Variants in PDE12 observed in about 807,000 individuals in gnomAD.
PDE12 encodes the protein phosphodiesterase 12.
PDE12 carries 26 observed loss-of-function variants against 45.4 expected under a neutral mutation model. That is an observed-to-expected ratio of 0.57 (90% CI 0.42 to 0.79). The LOEUF (loss-of-function observed/expected upper bound fraction) is 0.79, where lower values mean the gene tolerates loss of function less well. Among genes scored for constraint, PDE12 ranks in the 30% least tolerant of loss-of-function variants. PDE12 has a pLI of 0.00. For synonymous variants in PDE12, 283 were observed against 323.9 expected, an observed-to-expected ratio of 0.87 and a Z score of 1.36; for missense variants, 668 against 790.0, an observed-to-expected ratio of 0.85 and a Z score of 1.85.
At chr3:57,569,499 T>G (rs986149029), downstream of PDE12, among the ~76,000 whole-genome samples, 4 of 151,918 alleles carry the variant, frequency 2.6e-5, no homozygotes, top group African/African-American at 7.3e-5. Flanking sequence ...ATTACAGGCA[T>G]GCACCACCAT....
the PDE12 span, among the ~76,000 whole-genome samples, chr3:57,589,400 C>A: frequency 6.6e-6 from 1 of 151,980 alleles, no homozygotes; most frequent in African/African-American, 2.4e-5. Flanking sequence ...TGCAATTCAG[C>A]GTAAGCAACA....
At chr3:57,620,553 T>C in the PDE12 span, among the ~76,000 whole-genome samples, 1 of 152,100 alleles carries the variant, frequency 6.6e-6, no homozygotes, top group African/African-American at 2.4e-5. Context: ...TATTCACAGA[T>C]GGCATAGTCT....
the PDE12 span, among the ~76,000 whole-genome samples, chr3:57,650,443 CACAT>C: frequency 1.3e-5 from 2 of 150,460 alleles, no homozygotes; most frequent in Non-Finnish European, 2.9e-5. Flanking sequence ...CACACACACA[CACAT>C]ACATACACAC....
chr3:57,571,511 A>T (rs2069843083), downstream of PDE12: 1 of 152,668 alleles, frequency 6.6e-6, no homozygotes, highest in Non-Finnish European at 1.5e-5. Context: ...TATACTGAGC[A>T]AAAAATCAGG....
intron 1 of PDE12, among the ~76,000 whole-genome samples, chr3:57,557,905 A>G (rs2069684565): frequency 6.6e-6 from 1 of 152,324 alleles, no homozygotes; most frequent in Non-Finnish European, 1.5e-5. Flanking sequence ...GTTGCCTTGA[A>G]CAAGACTAGC....
At chr3:57,646,318 A>C in the PDE12 span, 1 of 1,608,438 alleles carries the variant, frequency 6.2e-7, no homozygotes, top group Non-Finnish European at 8.5e-7. Flanking sequence ...AGACTCACTT[A>C]ACAAGTGCCA....
At chr3:57,648,666 G>A in the PDE12 span, among the ~76,000 whole-genome samples, 3 of 152,102 alleles carry the variant, frequency 2.0e-5, no homozygotes, top group East Asian at 5.8e-4. Flanking sequence ...TATAAAAATA[G>A]GCATATAGAC....
chr3:57,560,165 T>G lies in PDE12; in HGVS notation c.*161T>G. On this transcript the variant is annotated 3_prime_UTR_variant, in exon 3 of 3. Transcript: ENST00000311180. ...TCTTCGTTATGAAACTGTTGATGTT[T>G]GCATCATACATCTTCTCTTTCCTTG... The G allele has an allele frequency of 7.2e-7, 1 of 1,391,282 alleles. No individual in the cohort carries two copies. Among genetic ancestry groups the G allele is most frequent in the South Asian group, 1.8e-5 (1 of 56,312 alleles). The allele number at this position is 1,391,282 out of a possible 1,614,324, so 86.2% of individuals were successfully genotyped here. A position where few individuals can be genotyped will look rare whatever the true frequency, so the allele number is the denominator to read the frequency against.
chr3:57,606,428 G>A, the PDE12 span, among the ~76,000 whole-genome samples: 1 of 152,120 alleles, frequency 6.6e-6, no homozygotes, highest in East Asian at 1.9e-4. Context: ...TTTCAGACAT[G>A]CAAAAGTTGA....
rs1429979996 is a variant in PDE12 at position 57,561,525 on chromosome 3, A to G, written c.*1521A>G. The G allele has an allele frequency of 1.0e-6, 1 of 984,574 alleles. No homozygotes were observed. The allele number at this position is 984,574 out of a possible 1,614,324, so 61.0% of individuals were successfully genotyped here. ...GATTAGTGTCTAGCCTAGAGTGGTAACCATGCTTTACTAATTCAGTTATGA... is the reference window on the plus strand; with the variant it reads ...GATTAGTGTCTAGCCTAGAGTGGTAGCCATGCTTTACTAATTCAGTTATGA... On this transcript the variant is annotated 3_prime_UTR_variant, in exon 3 of 3. Coordinates refer to ENST00000311180, the MANE Select transcript of PDE12 (RefSeq NM_177966.7).
the PDE12 span, among the ~76,000 whole-genome samples, chr3:57,644,362 G>C: frequency 6.6e-6 from 1 of 151,930 alleles, no homozygotes; most frequent in Non-Finnish European, 1.5e-5. Flanking sequence ...CTGGAGTCCA[G>C]TGGCACGATC....
At chr3:57,622,291 G>C in the PDE12 span, among the ~76,000 whole-genome samples, 1 of 152,178 alleles carries the variant, frequency 6.6e-6, no homozygotes, top group Non-Finnish European at 1.5e-5. Context: ...TTACCAAGAA[G>C]ATACAGAGAA....
the PDE12 span, among the ~76,000 whole-genome samples, chr3:57,589,321 G>A: frequency 6.6e-6 from 1 of 152,156 alleles, no homozygotes; most frequent in South Asian, 2.1e-4. Flanking sequence ...CCAGCTACGT[G>A]GGAGGCTGAG....
the PDE12 span, among the ~76,000 whole-genome samples, chr3:57,604,717 A>ATCCTCT: frequency 6.8e-6 from 1 of 147,858 alleles, no homozygotes; most frequent in African/African-American, 2.5e-5. Flanking sequence ...GGCTCAAGTG[A>ATCCTCT]TCCTCTTCCC....
At chr3:57,595,216 T>A in the PDE12 span, among the ~76,000 whole-genome samples, 10 of 152,216 alleles carry the variant, frequency 6.6e-5, no homozygotes, top group Non-Finnish European at 1.5e-4. Flanking sequence ...GATACTTTCA[T>A]CAATCACAAA....
rs886520572 is a variant in PDE12, at chr3:57,561,134, T to C, written c.*1130T>C. On this transcript the variant is annotated 3_prime_UTR_variant, in exon 3 of 3. Coordinates refer to ENST00000311180, the MANE Select transcript of PDE12 (RefSeq NM_177966.7). ...CAACATATTCAACTTGATCCCATTG[T>C]CTTCAGTTACTCTTGCCCATGAAAA... 1 of 985,338 alleles carries C rather than the reference T, an allele frequency of 1.0e-6. No individual in the cohort carries two copies. The highest frequency in any genetic ancestry group is 1.7e-5 in the African/African-American group (1 of 57,350). The allele number at this position is 985,338 out of a possible 1,614,324, so 61.0% of individuals were successfully genotyped here.
chr3:57,642,535 T>G, the PDE12 span, among the ~76,000 whole-genome samples: 1 of 151,622 alleles, frequency 6.6e-6, no homozygotes, highest in Admixed American at 6.6e-5. Flanking sequence ...CTACACAGAG[T>G]TTAGCATTCC....
the PDE12 span, chr3:57,577,391 G>A: frequency 7.5e-6 from 12 of 1,606,752 alleles, no homozygotes; most frequent in East Asian, 1.8e-4. Flanking sequence ...TAAGACCCTG[G>A]GGAAAAATTG....
chr3:57,608,202 C>T, the PDE12 span, among the ~76,000 whole-genome samples: 3 of 152,030 alleles, frequency 2.0e-5, no homozygotes, highest in African/African-American at 7.2e-5. Context: ...GATTTTGTCA[C>T]CACCAGGCCT....
Sources: allele counts gnomAD v4.1 joint callset (sites outside exome capture counted in the v4.1 genomes callset), GRCh38; gene constraint gnomAD v4.1.1; transcripts MANE v1.5; gene names NCBI Gene and HGNC (gene_info 2026-07-23, HGNC 2026-07-21).